The following NCALD variants were observed in gnomAD, a reference collection of about 807,000 sequenced individuals.
NCALD encodes the protein neurocalcin-delta.
NCALD carries 10 observed loss-of-function variants against 18.6 expected under a neutral mutation model. That is an observed-to-expected ratio of 0.54 (90% confidence interval 0.33 to 0.91). The LOEUF is 0.91. Among genes scored for constraint, NCALD ranks in the 40% least tolerant of loss-of-function variants. The pLI is 0.03. For missense variants in NCALD, 184 were observed against 247.6 expected (o/e 0.74, Z 1.72); for synonymous variants, 88 against 87.4 (o/e 1.01, Z -0.04).
At chr8:101,912,132 G>A (rs962957772) in intron 3 of NCALD, among the ~76,000 whole-genome samples, 1 of 151,876 alleles carries the variant, frequency 6.6e-6, no homozygotes, top group Admixed American at 6.6e-5. Context: ...TAAAATTAGT[G>A]AAAATAAATA....
At chr8:101,734,670 A>T (rs984919720) in intron 1 of NCALD, among the ~76,000 whole-genome samples, 13 of 152,182 alleles carry the variant, frequency 8.5e-5, no homozygotes, top group Non-Finnish European at 2.9e-5. Context: ...GTTGCAAGGG[A>T]TATATTCCCT....
At chr8:101,740,543 G>C (rs906156848) in intron 1 of NCALD, among the ~76,000 whole-genome samples, 1 of 152,186 alleles carries the variant, frequency 6.6e-6, no homozygotes, top group Non-Finnish European at 1.5e-5. Flanking sequence ...GGCTCAGAAA[G>C]GATGTGTGTA....
intron 1 of NCALD, among the ~76,000 whole-genome samples, chr8:102,028,812 C>T (rs1045523284): frequency 2.0e-5 from 3 of 152,138 alleles, no homozygotes; most frequent in Non-Finnish European, 4.4e-5. Flanking sequence ...AATTCATTGC[C>T]CAAACCAAGA....
intron 4 of NCALD, among the ~76,000 whole-genome samples, chr8:101,830,759 T>A (rs1276554868): frequency 4.7e-5 from 7 of 149,580 alleles, no homozygotes; most frequent in Non-Finnish European, 1.0e-4. Flanking sequence ...TTTTTTTTTT[T>A]AGACGGAGTC....
chr8:101,903,221 G>C (rs514057), intron 3 of NCALD, among the ~76,000 whole-genome samples: 39,743 of 144,266 alleles, frequency 0.28, 5,655 homozygotes, highest in African/African-American at 0.36. Flanking sequence ...TTTTTGAGAT[G>C]GAGTCTCACT....
rs143071742 is a variant in NCALD at position 101,742,770 on chromosome 8, G to C, written c.-19-23122C>G. Among the ~76,000 whole-genome samples, 3 of 152,138 alleles carry C rather than the reference G, an allele frequency of 2.0e-5. No homozygotes were observed. The East Asian group carries it at 5.8e-4, about 29-fold the overall frequency. ...GGTCTGCTGTGCCTGTCAACCTATT[G>C]CCTAGGTATTAAGCCCTGCATGCAT... On this transcript the variant is annotated intron_variant, in intron 1 of 3. Coordinates refer to ENST00000220931, the MANE Select transcript of NCALD (RefSeq NM_032041.3).
At chr8:102,034,134 C>T (rs115015042) in intron 1 of NCALD, among the ~76,000 whole-genome samples, 99 of 152,238 alleles carry the variant, frequency 6.5e-4, no homozygotes, top group African/African-American at 2.3e-3. Context: ...AGAACTCACT[C>T]TCCCCTTTTT....
intron 2 of NCALD, among the ~76,000 whole-genome samples, chr8:101,923,336 T>C (rs1165561028): frequency 6.6e-6 from 1 of 152,214 alleles, no homozygotes; most frequent in Non-Finnish European, 1.5e-5. Flanking sequence ...TGCTAATCTA[T>C]CTCACTCCCA....
intron 1 of NCALD, among the ~76,000 whole-genome samples, chr8:102,046,261 G>A (rs1412656421): frequency 2.0e-5 from 3 of 152,130 alleles, no homozygotes; most frequent in Non-Finnish European, 2.9e-5. Flanking sequence ...ATGATGCCAG[G>A]CTTTCCTTTC....
chr8:102,113,144 A>G (rs887511502), intron 1 of NCALD, among the ~76,000 whole-genome samples: 1 of 152,212 alleles, frequency 6.6e-6, no homozygotes, highest in African/African-American at 2.4e-5. Flanking sequence ...AGACAGACCT[A>G]AAAATAGTTT....
At chr8:101,989,429 A>T (rs1820957690) in intron 2 of NCALD, among the ~76,000 whole-genome samples, 1 of 152,284 alleles carries the variant, frequency 6.6e-6, no homozygotes, top group South Asian at 2.1e-4. Context: ...TGGCAACATT[A>T]CTTATTATAG....
In NCALD at chr8:101,997,376, AT is replaced by A. The variant is rs934980770; in HGVS notation, c.-157+22860del. Among the ~76,000 whole-genome samples the A allele has an allele frequency of 4.5e-4, 68 of 150,104 alleles. No individual in the cohort carries two copies. In the East Asian group the frequency reaches 6.8e-3, roughly 15 times the overall value. ...TAATATTTTTAAAGAGCATGCTTTT[AT>A]TTTTTTTTTCCTGGAACCTTTTAGA... On this transcript the variant is annotated intron_variant, in intron 2 of 6. Transcript: ENST00000311028.
chr8:101,716,850 T>C (rs1816109910), intron 2 of NCALD, among the ~76,000 whole-genome samples: 1 of 152,216 alleles, frequency 6.6e-6, no homozygotes, highest in Non-Finnish European at 1.5e-5. Context: ...ACACAGAGGA[T>C]GGCAGCCTGA....
intron 1 of NCALD, among the ~76,000 whole-genome samples, chr8:102,097,240 G>T (rs959913645): frequency 1.3e-5 from 2 of 152,110 alleles, no homozygotes; most frequent in Non-Finnish European, 2.9e-5. Context: ...AGAGGAACTA[G>T]CACAGGAGAA....
intron 1 of NCALD, chr8:102,124,185 C>G (rs1045095175): frequency 5.3e-5 from 8 of 152,162 alleles, no homozygotes; most frequent in African/African-American, 1.9e-4. Context: ...CCGGCTGCAA[C>G]TCCGACTCCG....
chr8:102,118,467 G>A (rs922505254), intron 1 of NCALD, among the ~76,000 whole-genome samples: 2 of 152,226 alleles, frequency 1.3e-5, no homozygotes, highest in African/African-American at 2.4e-5. Flanking sequence ...GGATGCTGGA[G>A]GAGGAATCTT....
At chr8:101,781,017 T>C (rs900428130) in intron 1 of NCALD, among the ~76,000 whole-genome samples, 5 of 152,128 alleles carry the variant, frequency 3.3e-5, no homozygotes, top group East Asian at 3.9e-4. Flanking sequence ...TATTTCTAAA[T>C]AGTAACAGAT....
At chr8:101,866,903 A>G (rs1815793985) in intron 4 of NCALD, among the ~76,000 whole-genome samples, 1 of 152,182 alleles carries the variant, frequency 6.6e-6, no homozygotes, top group South Asian at 2.1e-4. Context: ...TCTCTGCTCA[A>G]GATCTTTCAA....
intron 2 of NCALD, among the ~76,000 whole-genome samples, chr8:101,951,652 C>T (rs925213835): frequency 4.6e-5 from 7 of 152,214 alleles, no homozygotes; most frequent in African/African-American, 7.2e-5. Context: ...ACATTCCTCC[C>T]AGTGCCTGGT....
Sources: allele counts gnomAD v4.1 joint callset (sites outside exome capture counted in the v4.1 genomes callset), GRCh38; gene constraint gnomAD v4.1.1; transcripts MANE v1.5; gene names NCBI Gene and HGNC (gene_info 2026-07-23, HGNC 2026-07-21).